Variants in CELA1 observed in about 807,000 individuals in gnomAD.
CELA1 encodes the protein chymotrypsin-like elastase family member 1.
Under a neutral mutation model 34.8 loss-of-function variants are expected in CELA1, and 28 were observed. That is an observed-to-expected ratio of 0.80 (90% CI 0.60 to 1.10). The LOEUF (loss-of-function observed/expected upper bound fraction) is 1.10, where lower values mean the gene tolerates loss of function less well. Among genes scored for constraint, CELA1 ranks in the 50% least tolerant of loss-of-function variants. The probability of loss-of-function intolerance (pLI) is 0.00; values close to 1 mark genes in which losing one functional copy is unlikely to be tolerated. For missense variants in CELA1, 288 were observed against 327.5 expected, an observed-to-expected ratio of 0.88 and a Z score of 0.93; for synonymous variants, 140 against 129.8, an observed-to-expected ratio of 1.08 and a Z score of -0.53.
Position 51,345,847 on chromosome 12 carries a change from T to A in CELA1, c.47A>T (p.Asn16Ile), listed in dbSNP as rs1946562475. 6 of 1,559,910 alleles carry A rather than the reference T, an allele frequency of 3.8e-6. No individual in the cohort carries two copies. The highest frequency in any genetic ancestry group is 5.2e-6 in the Non-Finnish European group (6 of 1,151,066). Reference sequence around the variant, plus strand: ...CTCAGTCCCTCCGACTACGCGGGCATTGGTTTCCGGAAGGTCCTGGGTGCT... The same window carrying A: ...CTCAGTCCCTCCGACTACGCGGGCAATGGTTTCCGGAAGGTCCTGGGTGCT... The part of the protein sequence containing the change: ...GHSTQDLPET[N>I]ARVVGGTEAG... The change falls in exon 2 of 8, where the codon AAT (asparagine) becomes ATT (isoleucine). Residue 16 changes from asparagine to isoleucine, a missense_variant. Coordinates refer to ENST00000293636, the MANE Select transcript of CELA1 (RefSeq NM_001971.6).
chr12:51,346,543 T>TC lies in CELA1; in HGVS notation c.16+79dup, dbSNP rs558081986. The TC allele has an allele frequency of 2.0e-5, 28 of 1,365,994 alleles. 1 individual carries two copies. Among genetic ancestry groups the TC allele is most frequent in the Non-Finnish European group, 2.8e-5 (27 of 974,014 alleles). The allele number at this position is 1,365,994 out of a possible 1,614,324, so 84.6% of individuals were successfully genotyped here. The stretch of plus-strand genomic sequence containing the variant: ...AAATTTGCTGACCTTCCTGCCCAAG[T>TC]CCCCCTCCCTATAGACCTCAGGCCA... On this transcript the variant is annotated intron_variant, in intron 1 of 7. Transcript: ENST00000293636.
rs1335557262 is a variant in CELA1, at chr12:51,346,244, T to A, written c.17-367A>T. ...CCAGCCCCCTAATGCTTTGGCAAGA[T>A]TCTCCAGGGTTCAGGGCCTGCAGTG... is the stretch of plus-strand genomic sequence containing the variant. On this transcript the variant is annotated intron_variant, in intron 1 of 7. Transcript: ENST00000293636. Among the ~76,000 whole-genome samples the A allele has an allele frequency of 3.7e-5, 5 of 136,674 alleles. 1 individual carries two copies. The East Asian group carries it at 1.3e-3, about 35-fold the overall frequency. The allele number at this position is 136,674 out of a possible 152,430, so 89.7% of individuals were successfully genotyped here. A position where few individuals can be genotyped will look rare whatever the true frequency, so the allele number is the denominator to read the frequency against.
At chr12:51,340,317 G>A (rs1796976580) in intron 5 of CELA1, among the ~76,000 whole-genome samples, 1 of 151,344 alleles carries the variant, frequency 6.6e-6, no homozygotes, top group South Asian at 2.1e-4. Context: ...TTATCTGTCT[G>A]TTCTGTTTGC....
chr12:51,329,493 A>G (rs1946455661), intron 7 of CELA1, among the ~76,000 whole-genome samples, 191 bp downstream of exon 7: 1 of 151,996 alleles, frequency 6.6e-6, no homozygotes, highest in Non-Finnish European at 1.5e-5. Context: ...GGGTATGTGG[A>G]GGGGAGGGAA....
In CELA1 at chr12:51,336,279, C is replaced by G. The variant is rs933657113; in HGVS notation, c.609+3581G>C. 5.3e-5 allele frequency among the ~76,000 whole-genome samples: 8 copies of G among 152,272 alleles called. No homozygotes were observed. The East Asian group carries it at 1.5e-3, about 29-fold the overall frequency. ...TCTTTTCTCATTGAACAGTTTTTCC[C>G]TGGAATGGGATCTGATTTGTTCTCA... On this transcript the variant is annotated intron_variant, in intron 6 of 7. Transcript: ENST00000293636.
At chr12:51,340,228 A>G (rs1425922480) in intron 5 of CELA1, among the ~76,000 whole-genome samples, 1 of 152,120 alleles carries the variant, frequency 6.6e-6, no homozygotes, top group East Asian at 1.9e-4. Flanking sequence ...CTAGGCTCCA[A>G]GCCACCAACC....
intron 6 of CELA1, among the ~76,000 whole-genome samples, chr12:51,335,053 C>A (rs1946493142): frequency 6.6e-6 from 1 of 152,162 alleles, no homozygotes; most frequent in African/African-American, 2.4e-5. Flanking sequence ...ATGTAGAACA[C>A]CTGCCAACGT....
At chr12:51,339,832 TG>T in intron 6 of CELA1, 27 bp downstream of exon 6, 2 of 1,568,268 alleles carry the variant, frequency 1.3e-6, no homozygotes, top group Non-Finnish European at 1.7e-6. Flanking sequence ...TGGCGGGACC[TG>T]GGGTGGGACC....
chr12:51,337,953 C>T (rs983762350), intron 6 of CELA1, among the ~76,000 whole-genome samples: 7 of 150,822 alleles, frequency 4.6e-5, no homozygotes, highest in Admixed American at 1.3e-4. Flanking sequence ...TGGCCAGGCG[C>T]GGTGGCTCAT....
Position 51,345,847 on chromosome 12 carries a change from T to C in CELA1, c.47A>G (p.Asn16Ser). Residue 16 changes from asparagine (N) to serine (S), a missense_variant, in exon 2 of 8, where the codon AAT becomes AGT. Asn to Ser is a conservative substitution (Grantham distance 46). Coordinates refer to ENST00000293636, the MANE Select transcript of CELA1 (RefSeq NM_001971.6). ...GHSTQDLPET[N>S]ARVVGGTEAG... ...CTCAGTCCCTCCGACTACGCGGGCA[T>C]TGGTTTCCGGAAGGTCCTGGGTGCT... 3 of 1,559,910 alleles carry C rather than the reference T, an allele frequency of 1.9e-6. No individual in the cohort carries two copies. The highest frequency in any genetic ancestry group is 1.7e-6 in the Non-Finnish European group (2 of 1,151,066).
At chr12:51,341,010 C>T (rs1946530954) in intron 5 of CELA1, among the ~76,000 whole-genome samples, 1 of 152,024 alleles carries the variant, frequency 6.6e-6, no homozygotes, top group African/African-American at 2.4e-5. Context: ...AAATGAGGGG[C>T]TGGTAAAAAA....
chr12:51,333,880 C>G (rs773485043), intron 6 of CELA1, among the ~76,000 whole-genome samples: 5 of 152,146 alleles, frequency 3.3e-5, no homozygotes, highest in Non-Finnish European at 7.3e-5. Context: ...ATACTATTGT[C>G]TTGTGCTAAT....
chr12:51,331,577 C>A (rs781468966), intron 6 of CELA1, among the ~76,000 whole-genome samples: 23 of 152,266 alleles, frequency 1.5e-4, no homozygotes, highest in Non-Finnish European at 2.9e-4. Context: ...ACAAGAGGAC[C>A]AGCTTAGGAG....
intron 6 of CELA1, among the ~76,000 whole-genome samples, chr12:51,333,477 C>T (rs1272374519): frequency 6.6e-6 from 1 of 151,588 alleles, no homozygotes; most frequent in Non-Finnish European, 1.5e-5. Context: ...CACCACAGTC[C>T]CAATCTCCTG....
At chr12:51,338,303 C>T (rs201691516) in intron 6 of CELA1, among the ~76,000 whole-genome samples, 1 of 142,158 alleles carries the variant, frequency 7.0e-6, no homozygotes, top group African/African-American at 2.6e-5. Context: ...CATACGCATA[C>T]ATATATATAT....
chr12:51,332,605 C>T (rs1946476410), intron 6 of CELA1, among the ~76,000 whole-genome samples: 1 of 152,148 alleles, frequency 6.6e-6, no homozygotes, highest in African/African-American at 2.4e-5. Context: ...TGGCTTACAC[C>T]TGTAATCCCA....
chr12:51,345,687 T>C (rs12582273), intron 2 of CELA1, 108 bp downstream of exon 2: 239,546 of 846,168 alleles, frequency 0.28, 35,974 homozygotes, highest in Non-Finnish European at 0.32. Flanking sequence ...ACCTAGACAA[T>C]TGGAGAGCTG....
At chr12:51,337,423 G>A (rs1404345638) in intron 6 of CELA1, among the ~76,000 whole-genome samples, 1 of 150,066 alleles carries the variant, frequency 6.7e-6, no homozygotes, top group Non-Finnish European at 1.5e-5. Context: ...TGTGATCCTA[G>A]CTACTTGGGA....
chr12:51,328,670 T>C (rs1946450803), intron 7 of CELA1, 76 bp from the exon 8 acceptor site: 1 of 1,538,178 alleles, frequency 6.5e-7, no homozygotes. Context: ...GGCTCCCAGT[T>C]AAGTATGGTT....
Sources: gnomAD v4.1 joint callset for allele counts (sites outside exome capture counted in the v4.1 genomes callset) on GRCh38, gnomAD v4.1.1 for gene constraint, MANE v1.5 for transcripts, NCBI Gene and HGNC (gene_info 2026-07-23, HGNC 2026-07-21) for gene names.